The following ELAC1 variants were observed in gnomAD, a reference collection of about 807,000 sequenced individuals.
ELAC1 encodes zinc phosphodiesterase ELAC protein 1.
In ELAC1, 19 loss-of-function variants were observed where a neutral mutation model predicts 25.8. That is an observed-to-expected ratio of 0.74 (90% confidence interval 0.51 to 1.08). The LOEUF (loss-of-function observed/expected upper bound fraction) is 1.08, where lower values mean the gene tolerates loss of function less well. ELAC1 is among the 50% of genes least tolerant of loss of function. The probability of loss-of-function intolerance (pLI) is 0.00; values close to 1 mark genes in which losing one functional copy is unlikely to be tolerated. For synonymous variants in ELAC1, 148 were observed against 160.9 expected (o/e 0.92, Z 0.61); for missense variants, 403 against 434.6 (o/e 0.93, Z 0.65).
intron 1 of ELAC1, chr18:50,969,684 A>G (rs1326219423): frequency 6.6e-6 from 1 of 152,244 alleles, no homozygotes; most frequent in Non-Finnish European, 1.5e-5. Flanking sequence ...CCCATCAGAC[A>G]GCACACCGTT....
rs563763060 is a variant in ELAC1, at chr18:50,979,232, A to T, written c.157+4671A>T. 1.1e-4 allele frequency among the ~76,000 whole-genome samples: 16 copies of T among 152,290 alleles called. No homozygotes were observed. In the East Asian group the frequency reaches 3.1e-3, roughly 29 times the overall value. On this transcript the variant is annotated intron_variant, in intron 2 of 3. Transcript: ENST00000269466. Reference sequence around the variant, plus strand: ...TAAATTTAGTGGCTTATTTGCATTTATTATCTCCTAGTTACTGTAGGTTAG... The same window carrying T: ...TAAATTTAGTGGCTTATTTGCATTTTTTATCTCCTAGTTACTGTAGGTTAG...
At chr18:50,973,824 CT>C (rs1489504547) in intron 1 of ELAC1, among the ~76,000 whole-genome samples, 1 of 152,064 alleles carries the variant, frequency 6.6e-6, no homozygotes, top group African/African-American at 2.4e-5. Context: ...TGTTCAGAAG[CT>C]TAAGGGCTCA....
At chr18:50,970,263 T>C (rs1907616720) in intron 1 of ELAC1, among the ~76,000 whole-genome samples, 1 of 152,166 alleles carries the variant, frequency 6.6e-6, no homozygotes, top group South Asian at 2.1e-4. Context: ...CCTTCACTGA[T>C]ATGTTTTAAA....
chr18:50,988,088 G>C lies in ELAC1; in HGVS notation c.*1003G>C, dbSNP rs552537485. ...TCTGTTAAACTGAGGTTTCATTGACGTGTCCCTATTAATAAACGTTATTTG... is the reference window on the plus strand; with the variant it reads ...TCTGTTAAACTGAGGTTTCATTGACCTGTCCCTATTAATAAACGTTATTTG... On this transcript the variant is annotated 3_prime_UTR_variant, in exon 4 of 4. Transcript: ENST00000269466. The C allele has an allele frequency of 6.6e-6, 1 of 152,166 alleles. No individual in the cohort carries two copies. Among genetic ancestry groups the C allele is most frequent in the Non-Finnish European group, 1.5e-5 (1 of 68,040 alleles). 9.4% of individuals were successfully genotyped at this position (152,166 alleles called of 1,614,324 possible).
intron 1 of ELAC1, among the ~76,000 whole-genome samples, chr18:50,971,888 A>G (rs1253958862): frequency 4.6e-5 from 6 of 131,506 alleles, no homozygotes; most frequent in African/African-American, 1.8e-4. Flanking sequence ...ATGTATATAT[A>G]TGTATATATG....
chr18:50,980,097 G>A (rs1055493523), intron 2 of ELAC1, among the ~76,000 whole-genome samples: 2 of 152,142 alleles, frequency 1.3e-5, no homozygotes, highest in African/African-American at 2.4e-5. Context: ...CAGCATTTTG[G>A]GAGGTCAAGG....
Position 50,987,142 on chromosome 18 carries a change from G to A in ELAC1, c.*57G>A. 1 of 1,249,344 alleles carries A rather than the reference G, an allele frequency of 8.0e-7. No homozygotes were observed. The allele number at this position is 1,249,344 out of a possible 1,614,324, so 77.4% of individuals were successfully genotyped here. On this transcript the variant is annotated 3_prime_UTR_variant, in exon 4 of 4. Transcript: ENST00000269466. ...CTGTGAATATGTTACTGAACCTATAGTCCAGTTTTTTTATTTCTTGTTTTA... is the reference window on the plus strand; with the variant it reads ...CTGTGAATATGTTACTGAACCTATAATCCAGTTTTTTTATTTCTTGTTTTA...
At chr18:50,979,917 G>T (rs1907898100) in intron 2 of ELAC1, among the ~76,000 whole-genome samples, 1 of 151,996 alleles carries the variant, frequency 6.6e-6, no homozygotes, top group African/African-American at 2.4e-5. Flanking sequence ...TTTTAATAGA[G>T]ATGGGGTTTT....
intron 3 of ELAC1, among the ~76,000 whole-genome samples, chr18:50,985,426 A>C (rs1468583872): frequency 6.6e-6 from 1 of 152,260 alleles, no homozygotes. Flanking sequence ...GCAAGCATAC[A>C]GAGGTGGGCT....
In ELAC1 at chr18:50,986,838, A is replaced by T. The variant is rs1249958873; in HGVS notation, c.845A>T (p.Gln282Leu). 6.8e-6 allele frequency: 11 copies of T among 1,614,108 alleles called. No individual in the cohort carries two copies. The Admixed American group carries it at 1.3e-4, about 20-fold the overall frequency. The change falls in exon 4 of 4, where the codon CAG becomes CTG. Residue 282 changes from glutamine to leucine, a missense_variant. Transcript: ENST00000269466. The part of the protein sequence containing the change: ...LIHEATLDDA[Q>L]MDKAKEHGHS... Reference sequence around the variant, plus strand: ...CACGAAGCAACCCTGGATGATGCCCAGATGGACAAAGCAAAGGAGCATGGC... The same window carrying T: ...CACGAAGCAACCCTGGATGATGCCCTGATGGACAAAGCAAAGGAGCATGGC...
At chr18:50,971,216 C>A (rs1568184685) in intron 1 of ELAC1, among the ~76,000 whole-genome samples, 1 of 152,174 alleles carries the variant, frequency 6.6e-6, no homozygotes, top group African/African-American at 2.4e-5. Flanking sequence ...TTATCAACAG[C>A]ATCATTATTA....
Position 50,984,104 on chromosome 18 carries a change from A to G in ELAC1, c.166A>G (p.Thr56Ala). ...MKSQLKAGRI[T>A]KIFITHLHGD... ...TCTATCTCAATCAAAAGGGAGAATT[A>G]CCAAGATCTTCATCACACACCTTCA... is the stretch of plus-strand genomic sequence containing the variant. Residue 56 changes from threonine (T) to alanine (A), a missense_variant, in exon 3 of 4, where the codon ACC (threonine) becomes GCC (alanine). Physicochemically the swap from Thr to Ala is moderately conservative, Grantham distance 58 (BLOSUM62 0). Transcript: ENST00000269466. 6.3e-7 allele frequency: 1 copy of G among 1,577,342 alleles called. No homozygotes were observed. Among genetic ancestry groups the G allele is most frequent in the Non-Finnish European group, 8.6e-7 (1 of 1,163,698 alleles).
At chr18:50,968,399 T>A (rs2144303662) in intron 1 of ELAC1, 1 of 152,688 alleles carries the variant, frequency 6.5e-6, no homozygotes, top group South Asian at 2.1e-4. Flanking sequence ...CCTTGGCCTC[T>A]TACTCTCTGC....
intron 1 of ELAC1, among the ~76,000 whole-genome samples, chr18:50,971,878 A>G (rs1457291815): frequency 7.4e-6 from 1 of 135,752 alleles, no homozygotes; most frequent in Non-Finnish European, 1.5e-5. Context: ...ATGTGTATAT[A>G]TGTATATATA....
chr18:50,977,766 A>G lies in ELAC1; in HGVS notation c.157+3205A>G, dbSNP rs1032804650. The stretch of plus-strand genomic sequence containing the variant: ...CATCATCAGGATGCAAATTTTCTGA[A>G]CTTTTATGCTCTGGTTCCCTTTAAA... On this transcript the variant is annotated intron_variant, in intron 2 of 3. Transcript: ENST00000269466. Among the ~76,000 whole-genome samples, 6 of 152,358 alleles carry G rather than the reference A, an allele frequency of 3.9e-5. No individual in the cohort carries two copies. In the East Asian group the frequency reaches 7.7e-4, roughly 20 times the overall value.
chr18:50,981,021 T>C (rs1029443937), intron 2 of ELAC1, among the ~76,000 whole-genome samples: 3 of 152,172 alleles, frequency 2.0e-5, no homozygotes, highest in Admixed American at 6.6e-5. Flanking sequence ...TGGGATTTAA[T>C]GTACTCATGA....
chr18:50,975,750 A>T (rs1318493962), intron 2 of ELAC1, among the ~76,000 whole-genome samples: 4 of 152,088 alleles, frequency 2.6e-5, no homozygotes, highest in African/African-American at 9.7e-5. Flanking sequence ...TGGTCCAGTG[A>T]TGGAAACTGA....
chr18:50,970,558 G>C (rs1408452755), intron 1 of ELAC1, among the ~76,000 whole-genome samples: 1 of 152,020 alleles, frequency 6.6e-6, no homozygotes, highest in African/African-American at 2.4e-5. Context: ...TCAACGCTAT[G>C]CTTAAGGTAG....
At chr18:50,978,248 T>C (rs1387586847) in intron 2 of ELAC1, among the ~76,000 whole-genome samples, 1 of 152,138 alleles carries the variant, frequency 6.6e-6, no homozygotes, top group Non-Finnish European at 1.5e-5. Flanking sequence ...GGTATCCTTA[T>C]AGCATTATCC....
Sources: allele counts gnomAD v4.1 joint callset (sites outside exome capture counted in the v4.1 genomes callset), GRCh38; gene constraint gnomAD v4.1.1; transcripts MANE v1.5; gene names NCBI Gene and HGNC (gene_info 2026-07-23, HGNC 2026-07-21).